The following ZNF26 variants were observed in gnomAD, a reference collection of about 807,000 sequenced individuals.
ZNF26 encodes the protein epididymis luminal protein 179.
In ZNF26, 32 loss-of-function variants were observed where a neutral mutation model predicts 54.9. The ratio of observed to expected loss-of-function variants is 0.58; its 90% CI spans 0.44 to 0.78. The LOEUF is 0.78. ZNF26 is among the 30% of genes least tolerant of loss of function. The probability of loss-of-function intolerance (pLI) is 0.00; values close to 1 mark genes in which losing one functional copy is unlikely to be tolerated. For missense variants in ZNF26, 524 were observed against 634.0 expected (o/e 0.83, Z 1.86); for synonymous variants, 221 against 209.2 (o/e 1.06, Z -0.49).
chr12:132,991,849 T>G (rs1952968381), intron 1 of ZNF26, among the ~76,000 whole-genome samples: 4 of 151,802 alleles, frequency 2.6e-5, no homozygotes, highest in Admixed American at 6.6e-5. Flanking sequence ...TTCTCACTTT[T>G]TAAAATATAT....
chr12:133,000,774 G>A (rs973701996), intron 1 of ZNF26, among the ~76,000 whole-genome samples: 1 of 151,954 alleles, frequency 6.6e-6, no homozygotes, highest in Non-Finnish European at 1.5e-5. Flanking sequence ...GGCCAGGCTG[G>A]TCTTGAACTC....
At position 133,007,527 on chromosome 12, in the gene ZNF26, G is replaced by C. The variant is rs1953357532; in HGVS notation, c.251G>C (p.Cys84Ser). The C allele has an allele frequency of 1.2e-6, 2 of 1,611,474 alleles. No homozygotes were observed. The highest frequency in any genetic ancestry group is 2.2e-5 in the East Asian group (1 of 44,864). ...AATGCCAAAATTTCCAGGCAGAGCTGTCCAGGTGGGTGAGTGAGAAAGAGG... is the reference window on the plus strand; with the variant it reads ...AATGCCAAAATTTCCAGGCAGAGCTCTCCAGGTGGGTGAGTGAGAAAGAGG... ...IINAKISRQS[C>S]PDGWEEWYQN... The change falls in exon 3 of 4, where the codon TGT becomes TCT. Residue 84 changes from cysteine (C) to serine (S), a missense_variant. Cys to Ser is a moderately radical substitution (Grantham distance 112, BLOSUM62 -1). Coordinates refer to ENST00000328654, the MANE Select transcript of ZNF26 (RefSeq NM_019591.4).
chr12:132,997,607 C>T (rs1264568856), intron 1 of ZNF26, among the ~76,000 whole-genome samples: 1 of 152,158 alleles, frequency 6.6e-6, no homozygotes, highest in Non-Finnish European at 1.5e-5. Flanking sequence ...TATTGCAGAG[C>T]TTTAGCAGCA....
rs1207362760 is a variant in ZNF26 at position 133,011,297 on chromosome 12, A to C, written c.1418A>C (p.Gln473Pro). Reference sequence around the variant, plus strand: ...AGGAAGGCATCACTTCAGATACACCAGAAAACTCATTCGGGAGAGAAACCT... The same window carrying C: ...AGGAAGGCATCACTTCAGATACACCCGAAAACTCATTCGGGAGAGAAACCT... The part of the protein sequence containing the change: ...YPRKASLQIH[Q>P]KTHSGEKPFK... The change falls in exon 4 of 4, where the codon CAG (glutamine) becomes CCG (proline). Residue 473 changes from glutamine (Q) to proline (P), a missense_variant. By Grantham distance (76) the Gln-to-Pro change is moderately conservative (BLOSUM62 -1). Transcript: ENST00000328654. 4 of 1,613,936 alleles carry C rather than the reference A, an allele frequency of 2.5e-6. No individual in the cohort carries two copies. The Admixed American group carries it at 6.7e-5, about 27-fold the overall frequency.
rs1222648640 is a variant in ZNF26, at chr12:133,018,254, C to G, written c.*6773C>G. 3.3e-5 allele frequency: 5 copies of G among 152,164 alleles called. No individual in the cohort carries two copies. Among genetic ancestry groups the G allele is most frequent in the Non-Finnish European group, 7.4e-5 (5 of 68,018 alleles). 9.4% of individuals were successfully genotyped at this position (152,164 alleles called of 1,614,324 possible). ...CTGTTAATATATACTTTCTCTTCAT[C>G]TCTCAGCCTCTTTAAATTATAAAAT... On this transcript the variant is annotated 3_prime_UTR_variant, in exon 4 of 4. Coordinates refer to ENST00000328654, the MANE Select transcript of ZNF26 (RefSeq NM_019591.4).
rs1953501520 is a variant in ZNF26, at chr12:133,012,578, G to GTTGTTTTTTT, written c.*1099_*1100insGTTTTTTTTT. On this transcript the variant is annotated 3_prime_UTR_variant, in exon 4 of 4. Coordinates refer to ENST00000328654, the MANE Select transcript of ZNF26 (RefSeq NM_019591.4). ...ATGTCTTTTGCTTTTTGTTGTTTGG[G>GTTGTTTTTTT]TTTTTTTTTTTTTTTTTTTTTTTTT... 2.7e-5 allele frequency: 1 copy of GTTGTTTTTTT among 37,652 alleles called. No homozygotes were observed. The highest frequency in any genetic ancestry group is 4.8e-5 in the Non-Finnish European group (1 of 20,650). 2.3% of individuals were successfully genotyped at this position (37,652 alleles called of 1,614,324 possible). A position where few individuals can be genotyped will look rare whatever the true frequency, so the allele number is the denominator to read the frequency against.
At position 133,010,677 on chromosome 12, in the gene ZNF26, C is replaced by T. The variant is rs982511195; in HGVS notation, c.798C>T (p.Ala266=). 15 of 1,614,010 alleles carry T rather than the reference C, an allele frequency of 9.3e-6. No homozygotes were observed. The South Asian group carries it at 1.4e-4, about 15-fold the overall frequency. Reference sequence around the variant, plus strand: ...ATGGCTGCAGTGAATGTGGGAAAGCCTACAGTTGGAAATCACAGCTTCTTT... The same window carrying T: ...ATGGCTGCAGTGAATGTGGGAAAGCTTACAGTTGGAAATCACAGCTTCTTT... ...KPYGCSECGK[A]YSWKSQLLLH... is the part of the protein sequence containing the mutation. The change falls in exon 4 of 4, where the codon GCC becomes GCT. Residue 266 remains alanine (A), a synonymous_variant. Transcript: ENST00000328654.
At chr12:132,992,445 G>A (rs965221854) in intron 1 of ZNF26, among the ~76,000 whole-genome samples, 2 of 151,724 alleles carry the variant, frequency 1.3e-5, no homozygotes, top group Non-Finnish European at 2.9e-5. Flanking sequence ...ATGCCTACGT[G>A]CAGGTTTTTT....
Position 133,008,489 on chromosome 12 carries a change from G to A in ZNF26, c.256+957G>A, listed in dbSNP as rs1252587104. Among the ~76,000 whole-genome samples the A allele has an allele frequency of 2.4e-4, 37 of 152,036 alleles. 1 individual carries two copies. The highest frequency in any genetic ancestry group is 2.3e-3 in the Admixed American group (35 of 15,268). On this transcript the variant is annotated intron_variant, in intron 3 of 3. Transcript: ENST00000328654. ...CTTTCATTGCTATAAAGAAATACCT[G>A]AGACTGGCTGGGCACGGTGGCTCAT...
In ZNF26 at chr12:132,986,742, C is replaced by CT; in HGVS notation, c.-98dup. The CT allele has an allele frequency of 1.5e-6, 2 of 1,374,414 alleles. No homozygotes were observed. Among genetic ancestry groups the CT allele is most frequent in the Non-Finnish European group, 2.0e-6 (2 of 1,000,030 alleles). 85.1% of individuals were successfully genotyped at this position (1,374,414 alleles called of 1,614,324 possible). A position where few individuals can be genotyped will look rare whatever the true frequency, so the allele number is the denominator to read the frequency against. On this transcript the variant is annotated 5_prime_UTR_variant, in exon 1 of 4. Transcript: ENST00000328654. ...CCGGGACGGTCAGGAGCCTGGGGCC[C>CT]TGGTCCCGCACCTGTCTTCGGGCGG...
chr12:133,011,350 T>C lies in ZNF26; in HGVS notation c.1471T>C (p.Phe491Leu). 1 of 1,614,076 alleles carries C rather than the reference T, an allele frequency of 6.2e-7. No homozygotes were observed. The highest frequency in any genetic ancestry group is 1.1e-5 in the South Asian group (1 of 90,996). Reference protein sequence around the residue: ...PFKCSECGKAFTQKSSLSEHQ... With the variant: ...PFKCSECGKALTQKSSLSEHQ... ...TAAATGCAGTGAATGTGGAAAAGCC[T>C]TCACTCAGAAGTCATCTCTCAGTGA... is the stretch of plus-strand genomic sequence containing the variant. Residue 491 changes from phenylalanine (F) to leucine (L), a missense_variant, in exon 4 of 4, where the codon TTC becomes CTC. Transcript: ENST00000328654.
chr12:133,001,474 T>C lies in ZNF26; in HGVS notation c.34-5568T>C, dbSNP rs1953217625. 2.0e-5 allele frequency among the ~76,000 whole-genome samples: 3 copies of C among 152,196 alleles called. No individual in the cohort carries two copies. Among genetic ancestry groups the C allele is most frequent in the Admixed American group, 6.5e-5 (1 of 15,270 alleles). The stretch of plus-strand genomic sequence containing the variant: ...GAGTCTCCTGTTGTGCGGTGGTCAG[T>C]ACCCAGAGTTATGACAGGCATCAGT... On this transcript the variant is annotated intron_variant, in intron 1 of 3. Coordinates refer to ENST00000328654, the MANE Select transcript of ZNF26 (RefSeq NM_019591.4). The surrounding 1 kb of genome is among the most constrained non-coding windows in gnomAD (Gnocchi z 4.7).
chr12:133,010,018 G>T, intron 3 of ZNF26, 118 bp from the exon 4 acceptor site: 1 of 1,080,340 alleles, frequency 9.3e-7, no homozygotes. Context: ...TTGAACCAGT[G>T]TGGTAGGCTT....
Position 132,986,869 on chromosome 12 carries a change from G to T in ZNF26, c.29G>T (p.Cys10Phe). 1 of 1,607,282 alleles carries T rather than the reference G, an allele frequency of 6.2e-7. No individual in the cohort carries two copies. MATSFRTASCWGLLSFKDIS... is the reference protein window; with the variant it reads MATSFRTASFWGLLSFKDIS... ...GCCACCAGTTTCCGGACAGCTTCGT[G>T]CTGGGTAAGTAGAGACTTTCCGTGT... The change falls in exon 1 of 4, where the codon TGC (cysteine) becomes TTC (phenylalanine). Residue 10 changes from cysteine (C) to phenylalanine (F), a missense_variant. Coordinates refer to ENST00000328654, the MANE Select transcript of ZNF26 (RefSeq NM_019591.4).
intron 3 of ZNF26, among the ~76,000 whole-genome samples, chr12:133,008,751 G>C (rs1427196768): frequency 2.0e-5 from 3 of 147,928 alleles, no homozygotes; most frequent in East Asian, 2.0e-4. Context: ...ACTCCAGCCT[G>C]GGCAACAGAG....
intron 1 of ZNF26, among the ~76,000 whole-genome samples, chr12:132,992,912 T>C (rs1952994300): frequency 6.6e-6 from 1 of 152,242 alleles, no homozygotes; most frequent in East Asian, 1.9e-4. Context: ...AGGTTTCTGT[T>C]GATACATCCT....
At chr12:132,993,042 T>TTTTTTTG (rs1952997909) in intron 1 of ZNF26, among the ~76,000 whole-genome samples, 1 of 150,964 alleles carries the variant, frequency 6.6e-6, no homozygotes, top group Non-Finnish European at 1.5e-5. Context: ...TTTTTTTTTT[T>TTTTTTTG]GAGATGGAGT....
intron 1 of ZNF26, among the ~76,000 whole-genome samples, chr12:133,000,418 ATTTTTTTTTT>A (rs139011460): frequency 2.7e-3 from 163 of 60,994 alleles, no homozygotes; most frequent in African/African-American, 9.4e-3. Flanking sequence ...TACCTGGCTA[ATTTTTTTTTT>A]TTTTTTTTTT....
chr12:133,026,230 A>T lies in ZNF26; in HGVS notation c.*14749A>T, dbSNP rs1953703490. The T allele has an allele frequency of 6.6e-6, 1 of 151,438 alleles. No homozygotes were observed. Among genetic ancestry groups the T allele is most frequent in the Non-Finnish European group, 1.5e-5 (1 of 67,962 alleles). 9.4% of individuals were successfully genotyped at this position (151,438 alleles called of 1,614,324 possible). A position where few individuals can be genotyped will look rare whatever the true frequency, so the allele number is the denominator to read the frequency against. ...AGTTCTCTGCCTCAGCCTCCCAAGTAGCTGGGATTACAGGTGCTCGCCACC... is the reference window on the plus strand; with the variant it reads ...AGTTCTCTGCCTCAGCCTCCCAAGTTGCTGGGATTACAGGTGCTCGCCACC... On this transcript the variant is annotated 3_prime_UTR_variant, in exon 4 of 4. Transcript: ENST00000328654.
Sources: gnomAD v4.1 joint callset for allele counts (sites outside exome capture counted in the v4.1 genomes callset) on GRCh38, gnomAD v4.1.1 for gene constraint, Gnocchi (gnomAD v3.1) non-coding constraint, MANE v1.5 for transcripts, NCBI Gene and HGNC (gene_info 2026-07-23, HGNC 2026-07-21) for gene names.